The following CDH12 variants were observed in gnomAD, a reference collection of about 807,000 sequenced individuals.
The protein encoded by CDH12 is cadherin 12, also known as cadherin-12.
CDH12 carries 41 observed loss-of-function variants against 74.1 expected under a neutral mutation model. The ratio of observed to expected loss-of-function variants is 0.55; its 90% CI spans 0.43 to 0.72. The LOEUF (loss-of-function observed/expected upper bound fraction) is 0.72. Ranked by LOEUF, CDH12 falls within the 30% of genes least tolerant of loss-of-function variation. The pLI, the probability that CDH12 is intolerant of heterozygous loss-of-function variation, is 0.00. For missense variants in CDH12, 945 were observed against 977.2 expected (o/e 0.97, Z 0.44); for synonymous variants, 399 against 355.0 (o/e 1.12, Z -1.39).
At position 22,518,086 on chromosome 5, in the gene CDH12, A is replaced by G. The variant is rs76028281; in HGVS notation, c.-522-12722T>C. Among the ~76,000 whole-genome samples the G allele has an allele frequency of 4.5e-3, 690 of 152,344 alleles. 5 individuals are homozygous for G. Among genetic ancestry groups the G allele is most frequent in the African/African-American group, 0.016 (650 of 41,584 alleles). On this transcript the variant is annotated intron_variant, in intron 1 of 14. Transcript: ENST00000382254. ...AGTTTTGTGGGGTCCCTGTCTGTTTAAGCAAATTGATTAAATCTGTACTAC... is the reference window on the plus strand; with the variant it reads ...AGTTTTGTGGGGTCCCTGTCTGTTTGAGCAAATTGATTAAATCTGTACTAC...
intron 1 of CDH12, among the ~76,000 whole-genome samples, chr5:22,557,298 T>C (rs372644101): frequency 5.3e-5 from 8 of 152,032 alleles, no homozygotes; most frequent in African/African-American, 1.9e-4. Flanking sequence ...ACAAACAAAT[T>C]GAAAGAAATA....
chr5:21,844,771 A>C (rs1561236177), intron 7 of CDH12, among the ~76,000 whole-genome samples: 2 of 152,172 alleles, frequency 1.3e-5, no homozygotes, highest in Non-Finnish European at 2.9e-5. Flanking sequence ...AACCAGAAAA[A>C]AACAATTCCA....
intron 3 of CDH12, among the ~76,000 whole-genome samples, chr5:22,381,663 A>C (rs1482953504): frequency 6.6e-6 from 1 of 152,000 alleles, no homozygotes; most frequent in East Asian, 1.9e-4. Flanking sequence ...TGTGGAGACT[A>C]TAATACTCTA....
chr5:21,880,329 C>T (rs920143714), intron 6 of CDH12, among the ~76,000 whole-genome samples: 3 of 152,228 alleles, frequency 2.0e-5, no homozygotes, highest in Non-Finnish European at 4.4e-5. Flanking sequence ...TTTCCTTCTA[C>T]TGGAGTCATG....
intron 3 of CDH12, among the ~76,000 whole-genome samples, chr5:22,354,415 G>A (rs959065765): frequency 6.6e-6 from 1 of 152,136 alleles, no homozygotes; most frequent in Non-Finnish European, 1.5e-5. Flanking sequence ...TCAGGGAGCT[G>A]CCATTTACTA....
At chr5:22,074,043 A>G (rs1379854463) in intron 5 of CDH12, among the ~76,000 whole-genome samples, 1 of 152,068 alleles carries the variant, frequency 6.6e-6, no homozygotes, top group Non-Finnish European at 1.5e-5. Flanking sequence ...ATTTTCTTCC[A>G]TTTTTGTCAC....
chr5:22,016,238 AAATT>A (rs1397433885), intron 5 of CDH12, among the ~76,000 whole-genome samples: 2 of 152,136 alleles, frequency 1.3e-5, no homozygotes, highest in Admixed American at 6.5e-5. Flanking sequence ...AAAAGGAAAT[AAATT>A]AATTAATAGG....
intron 2 of CDH12, among the ~76,000 whole-genome samples, chr5:22,442,749 CTT>C (rs1174512114): frequency 6.6e-6 from 1 of 151,974 alleles, no homozygotes; most frequent in Non-Finnish European, 1.5e-5. Context: ...AGCCTGGAGT[CTT>C]TTCACAGATT....
At chr5:22,583,932 C>T (rs1313572159) in intron 1 of CDH12, among the ~76,000 whole-genome samples, 3 of 151,828 alleles carry the variant, frequency 2.0e-5, no homozygotes, top group Non-Finnish European at 2.9e-5. Context: ...TATCTCTTCC[C>T]AATCAGAATT....
intron 1 of CDH12, among the ~76,000 whole-genome samples, chr5:22,654,411 T>C (rs1739916018): frequency 6.6e-6 from 1 of 151,876 alleles, no homozygotes; most frequent in South Asian, 2.1e-4. Context: ...TGCCTCAGCC[T>C]CCCAAGTAGC....
intron 3 of CDH12, among the ~76,000 whole-genome samples, chr5:22,313,911 C>T (rs1210866640): frequency 6.6e-6 from 1 of 152,044 alleles, no homozygotes; most frequent in Non-Finnish European, 1.5e-5. Context: ...TCAGATTTTA[C>T]CAATATATAA....
intron 6 of CDH12, among the ~76,000 whole-genome samples, chr5:21,922,024 ATGGGGG>A (rs1754376613): frequency 6.6e-6 from 1 of 152,134 alleles, no homozygotes; most frequent in Non-Finnish European, 1.5e-5. Context: ...TTCTTTTACC[ATGGGGG>A]TGTCCAACAT....
chr5:22,455,367 T>G (rs1745220924), intron 2 of CDH12, among the ~76,000 whole-genome samples: 1 of 152,194 alleles, frequency 6.6e-6, no homozygotes, highest in Non-Finnish European at 1.5e-5. Flanking sequence ...TAGATATTTG[T>G]AAACAAGTGA....
intron 5 of CDH12, among the ~76,000 whole-genome samples, chr5:22,014,054 C>T (rs1225830005): frequency 6.6e-6 from 1 of 152,014 alleles, no homozygotes; most frequent in South Asian, 2.1e-4. Context: ...TGGTGAAAAC[C>T]CATCTCTACT....
chr5:21,820,133 G>A (rs965843429), intron 8 of CDH12, among the ~76,000 whole-genome samples: 17 of 151,902 alleles, frequency 1.1e-4, no homozygotes, highest in Non-Finnish European at 2.1e-4. Flanking sequence ...AAGGGCATCA[G>A]ATAATTCAAA....
chr5:22,612,207 T>G (rs1017101658), intron 1 of CDH12, among the ~76,000 whole-genome samples: 1 of 152,124 alleles, frequency 6.6e-6, no homozygotes, highest in East Asian at 1.9e-4. Context: ...CAAAATTTAT[T>G]TATCAGTGGA....
chr5:22,626,891 T>A (rs951808557), intron 1 of CDH12, among the ~76,000 whole-genome samples: 1 of 152,262 alleles, frequency 6.6e-6, no homozygotes, highest in East Asian at 1.9e-4. Context: ...AAATAACTAT[T>A]TTTAAGAAAG....
chr5:22,315,132 T>TTTTTTTTTTTG, intron 3 of CDH12, among the ~76,000 whole-genome samples: 2 of 117,944 alleles, frequency 1.7e-5, no homozygotes, highest in African/African-American at 3.2e-5. Flanking sequence ...TTTTTTTTTT[T>TTTTTTTTTTTG]TTTTTTTTTT....
At chr5:22,852,497 C>G (rs990172806) in intron 1 of CDH12, among the ~76,000 whole-genome samples, 1 of 152,024 alleles carries the variant, frequency 6.6e-6, no homozygotes, top group Non-Finnish European at 1.5e-5. Flanking sequence ...TTTCATTTGT[C>G]CCAGATTAGT....
Sources: gnomAD v4.1 joint callset for allele counts (sites outside exome capture counted in the v4.1 genomes callset) on GRCh38, gnomAD v4.1.1 for gene constraint, MANE v1.5 for transcripts, NCBI Gene and HGNC (gene_info 2026-07-23, HGNC 2026-07-21) for gene names.